KIRREL3: variants seen among roughly 807,000 people sequenced by gnomAD.
KIRREL3 encodes the protein kin of IRRE-like protein 3.
In KIRREL3, 36 loss-of-function variants were observed where a neutral mutation model predicts 89.7. The ratio of observed to expected loss-of-function variants is 0.40; its 90% confidence interval spans 0.31 to 0.53. The LOEUF is 0.53. Ranked by LOEUF, KIRREL3 falls within the 20% of genes least tolerant of loss-of-function variation. KIRREL3 has a pLI of 0.49. For missense variants in KIRREL3, 864 were observed against 1,056.6 expected (o/e 0.82, Z 2.53); for synonymous variants, 445 against 441.4 (o/e 1.01, Z -0.10).
chr11:126,729,654 G>C lies in KIRREL3; in HGVS notation c.56-166742C>G, dbSNP rs188730969. On this transcript the variant is annotated intron_variant, in intron 1 of 16. Transcript: ENST00000525144. This position sits in a 1 kb window ranked among gnomAD's most constrained non-coding sequence, Gnocchi z 4.5. The stretch of plus-strand genomic sequence containing the variant: ...AGTGCTGGCCAGGAGCTCACAGGTG[G>C]GTGTGAACCTGGGGACCCTCCGTAG... 6.6e-6 allele frequency among the ~76,000 whole-genome samples: 1 copy of C among 152,142 alleles called. No homozygotes were observed. Among genetic ancestry groups the C allele is most frequent in the Non-Finnish European group, 1.5e-5 (1 of 68,006 alleles).
chr11:126,424,097 G>T lies in KIRREL3; in HGVS notation c.*483C>A. On this transcript the variant is annotated 3_prime_UTR_variant, in exon 17 of 17. Transcript: ENST00000525144. Reference sequence around the variant, plus strand: ...CTATGAGCAGCAGTGGGGAGCCGGGGTTTCTGGGGCAGCTCAGTGCTGGGA... The same window carrying T: ...CTATGAGCAGCAGTGGGGAGCCGGGTTTTCTGGGGCAGCTCAGTGCTGGGA... 1.2e-5 allele frequency: 2 copies of T among 170,514 alleles called. No homozygotes were observed. The highest frequency in any genetic ancestry group is 1.5e-4 in the East Asian group (1 of 6,572). 10.6% of individuals were successfully genotyped at this position (170,514 alleles called of 1,614,324 possible).
rs184250903 is a variant in KIRREL3 at position 126,537,572 on chromosome 11, T to C, written c.134-10885A>G. Among the ~76,000 whole-genome samples the C allele has an allele frequency of 3.3e-5, 5 of 152,238 alleles. No homozygotes were observed. The highest frequency in any genetic ancestry group is 1.2e-4 in the African/African-American group (5 of 41,542). On this transcript the variant is annotated intron_variant, in intron 2 of 16. Coordinates refer to ENST00000525144, the MANE Select transcript of KIRREL3 (RefSeq NM_032531.4). This position sits in a 1 kb window ranked among gnomAD's most constrained non-coding sequence, Gnocchi z 4.3. The stretch of plus-strand genomic sequence containing the variant: ...TCACCTGCCTGGAGTACCTAACCGA[T>C]GGGTCACCTGTCGGAGCCTGGGTCC...
In KIRREL3 at chr11:126,923,242, TCTTC is replaced by T. The variant is rs1245347188; in HGVS notation, c.55+77209_55+77212del. Among the ~76,000 whole-genome samples, 23 of 58,982 alleles carry T rather than the reference TCTTC, an allele frequency of 3.9e-4. 7 individuals carry two copies. Among genetic ancestry groups the T allele is most frequent in the African/African-American group, 1.5e-3 (23 of 15,162 alleles). The allele number at this position is 58,982 out of a possible 152,430, so 38.7% of individuals were successfully genotyped here. A position where few individuals can be genotyped will look rare whatever the true frequency, so the allele number is the denominator to read the frequency against. On this transcript the variant is annotated intron_variant, in intron 1 of 16. Transcript: ENST00000525144. ...TTCTTCTTCTTCTTCTTCTTCTTCT[TCTTC>T]TTCTTCTTCTTCTTCTTCTTCTCCT...
At position 126,896,894 on chromosome 11, in the gene KIRREL3, T is replaced by A. The variant is rs944922793; in HGVS notation, c.55+103561A>T. 1.3e-5 allele frequency among the ~76,000 whole-genome samples: 2 copies of A among 152,124 alleles called. No individual in the cohort carries two copies. The highest frequency in any genetic ancestry group is 4.8e-5 in the African/African-American group (2 of 41,426). On this transcript the variant is annotated intron_variant, in intron 1 of 16. Coordinates refer to ENST00000525144, the MANE Select transcript of KIRREL3 (RefSeq NM_032531.4). The surrounding 1 kb of genome is among the most constrained non-coding windows in gnomAD (Gnocchi z 4.1). ...TCATGTGCTTCACACGCAGTGGGGA[T>A]CTTAACAGGCATTGCCATTTCTTTT...
At position 126,527,106 on chromosome 11, in the gene KIRREL3, G is replaced by C. The variant is rs759586794; in HGVS notation, c.134-419C>G. Reference sequence around the variant, plus strand: ...TAGCTAGAAACATTCTGTGGTGGCTGTGTGTTAAGAAGGGGGTCGATGGAG... The same window carrying C: ...TAGCTAGAAACATTCTGTGGTGGCTCTGTGTTAAGAAGGGGGTCGATGGAG... On this transcript the variant is annotated intron_variant, in intron 2 of 16. Coordinates refer to ENST00000525144, the MANE Select transcript of KIRREL3 (RefSeq NM_032531.4). This position sits in a 1 kb window ranked among gnomAD's most constrained non-coding sequence, Gnocchi z 4.2. Among the ~76,000 whole-genome samples the C allele has an allele frequency of 2.0e-5, 3 of 152,262 alleles. No homozygotes were observed. Among genetic ancestry groups the C allele is most frequent in the Non-Finnish European group, 4.4e-5 (3 of 68,046 alleles).
chr11:126,676,545 C>T lies in KIRREL3; in HGVS notation c.56-113633G>A, dbSNP rs1007645307. On this transcript the variant is annotated intron_variant, in intron 1 of 16. Coordinates refer to ENST00000525144, the MANE Select transcript of KIRREL3 (RefSeq NM_032531.4). The surrounding 1 kb of genome is among the most constrained non-coding windows in gnomAD (Gnocchi z 4.5). ...TTGTTTGAGTTGGGGGGAGATGCTG[C>T]GAGTCCTTTAAAGAACCTCCCATAG... Among the ~76,000 whole-genome samples, 11 of 152,134 alleles carry T rather than the reference C, an allele frequency of 7.2e-5. No individual in the cohort carries two copies. The highest frequency in any genetic ancestry group is 3.4e-3 in the Middle Eastern group (1 of 294).
At chr11:126,621,866 T>C (rs527427529) in intron 1 of KIRREL3, among the ~76,000 whole-genome samples, 264 of 152,382 alleles carry the variant, frequency 1.7e-3, no homozygotes, top group Non-Finnish European at 3.0e-3. Flanking sequence ...ATGTGCTATA[T>C]AAAATGAGAT....
At chr11:126,464,178 G>A (rs898969690) in intron 5 of KIRREL3, among the ~76,000 whole-genome samples, 1 of 152,024 alleles carries the variant, frequency 6.6e-6, no homozygotes, top group Non-Finnish European at 1.5e-5. Flanking sequence ...GATTCAGAGT[G>A]AGCCTTAAAC....
intron 4 of KIRREL3, among the ~76,000 whole-genome samples, chr11:126,512,734 G>A (rs550184947): frequency 6.6e-6 from 1 of 152,282 alleles, no homozygotes; most frequent in East Asian, 1.9e-4. Flanking sequence ...ATCTCCCAGG[G>A]TCACGCTTGG....
chr11:126,857,588 G>C (rs753756005), intron 1 of KIRREL3, among the ~76,000 whole-genome samples: 1 of 152,058 alleles, frequency 6.6e-6, no homozygotes, highest in Non-Finnish European at 1.5e-5. Flanking sequence ...TCCTTGCTCA[G>C]GGTCTGCCTC....
chr11:126,774,574 G>A (rs780138900), intron 1 of KIRREL3, among the ~76,000 whole-genome samples: 1 of 152,200 alleles, frequency 6.6e-6, no homozygotes, highest in Non-Finnish European at 1.5e-5. Flanking sequence ...GTATGCAAAC[G>A]GTGGGGCTGA....
intron 1 of KIRREL3, among the ~76,000 whole-genome samples, chr11:126,625,227 A>G (rs561658769): frequency 4.9e-4 from 74 of 152,214 alleles, no homozygotes; most frequent in Non-Finnish European, 8.8e-4. Context: ...CCTCAAGGTC[A>G]CTCAGCTTCC....
In KIRREL3 at chr11:126,471,228, G is replaced by A. The variant is rs1956882293; in HGVS notation, c.591+2081C>T. Among the ~76,000 whole-genome samples the A allele has an allele frequency of 1.3e-5, 2 of 151,938 alleles. No individual in the cohort carries two copies. Among genetic ancestry groups the A allele is most frequent in the South Asian group, 4.2e-4 (2 of 4,812 alleles). On this transcript the variant is annotated intron_variant, in intron 5 of 16. Transcript: ENST00000525144. The surrounding 1 kb of genome is among the most constrained non-coding windows in gnomAD (Gnocchi z 5.4). Reference sequence around the variant, plus strand: ...CAAAAAAAGAAAAAAAAATTAGCTGGGCATGATGGCACACGCCTGCAATCC... The same window carrying A: ...CAAAAAAAGAAAAAAAAATTAGCTGAGCATGATGGCACACGCCTGCAATCC...
At position 126,872,592 on chromosome 11, in the gene KIRREL3, C is replaced by T. The variant is rs562581973; in HGVS notation, c.55+127863G>A. Among the ~76,000 whole-genome samples the T allele has an allele frequency of 2.0e-5, 3 of 152,324 alleles. No individual in the cohort carries two copies. Among genetic ancestry groups the T allele is most frequent in the South Asian group, 2.1e-4 (1 of 4,824 alleles). On this transcript the variant is annotated intron_variant, in intron 1 of 16. Coordinates refer to ENST00000525144, the MANE Select transcript of KIRREL3 (RefSeq NM_032531.4). This position sits in a 1 kb window ranked among gnomAD's most constrained non-coding sequence, Gnocchi z 4.2. ...CACCTGCATCATTTACATCAAACAG[C>T]CCCTCTAAGGGACCTTAGGCCTTGT...
At position 126,526,710 on chromosome 11, in the gene KIRREL3, G is replaced by T. The variant is rs915899160; in HGVS notation, c.134-23C>A. ...GGCCTGGGAAGGAGACAAACACAAT[G>T]GTCAGTTATCTGCCGGCTACAGGGG... On this transcript the variant is annotated intron_variant, in intron 2 of 16. Coordinates refer to ENST00000525144, the MANE Select transcript of KIRREL3 (RefSeq NM_032531.4). The surrounding 1 kb of genome is among the most constrained non-coding windows in gnomAD (Gnocchi z 5.7). 1.6e-5 allele frequency: 25 copies of T among 1,549,098 alleles called. No individual in the cohort carries two copies. Among genetic ancestry groups the T allele is most frequent in the Non-Finnish European group, 1.9e-5 (22 of 1,144,398 alleles).
rs1749697818 is a variant in KIRREL3 at position 126,788,749 on chromosome 11, A to G, written c.55+211706T>C. On this transcript the variant is annotated intron_variant, in intron 1 of 16. Coordinates refer to ENST00000525144, the MANE Select transcript of KIRREL3 (RefSeq NM_032531.4). The surrounding 1 kb of genome is among the most constrained non-coding windows in gnomAD (Gnocchi z 4.1). ...ATTGTTTTGATCTGGAAGCCGTCAG[A>G]GTTCAATCTGGAGTCATCCAGGCAG... Among the ~76,000 whole-genome samples, 1 of 152,230 alleles carries G rather than the reference A, an allele frequency of 6.6e-6. No individual in the cohort carries two copies.
intron 1 of KIRREL3, among the ~76,000 whole-genome samples, chr11:126,662,944 T>C (rs1181846491): frequency 1.4e-5 from 2 of 145,652 alleles, no homozygotes; most frequent in African/African-American, 5.1e-5. Flanking sequence ...TCTCTCTGAT[T>C]CTTACTCATG....
In KIRREL3 at chr11:126,569,444, A is replaced by C. The variant is rs1468974701; in HGVS notation, c.56-6532T>G. On this transcript the variant is annotated intron_variant, in intron 1 of 16. Transcript: ENST00000525144. This position sits in a 1 kb window ranked among gnomAD's most constrained non-coding sequence, Gnocchi z 6.5. ...CCCTCTGGAACCAGGACACATTAAT[A>C]AATGTGACTGGTGTAAAGTCCAAGG... Among the ~76,000 whole-genome samples, 1 of 152,210 alleles carries C rather than the reference A, an allele frequency of 6.6e-6. No individual in the cohort carries two copies. Among genetic ancestry groups the C allele is most frequent in the Non-Finnish European group, 1.5e-5 (1 of 68,030 alleles).
rs1011176929 is a variant in KIRREL3 at position 126,570,153 on chromosome 11, C to G, written c.56-7241G>C. Among the ~76,000 whole-genome samples the G allele has an allele frequency of 6.6e-6, 1 of 152,100 alleles. No homozygotes were observed. Among genetic ancestry groups the G allele is most frequent in the Non-Finnish European group, 1.5e-5 (1 of 68,038 alleles). ...AAATGTTTAATTAGCCCAATAATAC[C>G]TGTTTTATAATTTTTGGATCTCATT... On this transcript the variant is annotated intron_variant, in intron 1 of 16. Coordinates refer to ENST00000525144, the MANE Select transcript of KIRREL3 (RefSeq NM_032531.4). This position sits in a 1 kb window ranked among gnomAD's most constrained non-coding sequence, Gnocchi z 6.1.
Sources: allele counts gnomAD v4.1 joint callset (sites outside exome capture counted in the v4.1 genomes callset), GRCh38; gene constraint gnomAD v4.1.1; non-coding constraint Gnocchi (gnomAD v3.1); transcripts MANE v1.5; gene names NCBI Gene and HGNC (gene_info 2026-07-23, HGNC 2026-07-21).